Variants in MARCHF1 observed in about 807,000 individuals in gnomAD.
MARCHF1 encodes the protein membrane associated ring-CH-type finger 1, also known as E3 ubiquitin-protein ligase MARCHF1.
Under a neutral mutation model 54.2 loss-of-function variants are expected in MARCHF1, and 40 were observed. That is an observed-to-expected ratio of 0.74 (90% CI 0.57 to 0.96). MARCHF1 has a LOEUF of 0.96. Ranked by LOEUF, MARCHF1 falls within the 40% of genes least tolerant of loss-of-function variation. The pLI, the probability that MARCHF1 is intolerant of heterozygous loss-of-function variation, is 0.00. For synonymous variants in MARCHF1, 236 were observed against 236.3 expected, an observed-to-expected ratio of 1.00 and a Z score of 0.01; for missense variants, 586 against 656.5, an observed-to-expected ratio of 0.89 and a Z score of 1.17.
intron 1 of MARCHF1, among the ~76,000 whole-genome samples, chr4:164,257,498 T>TTTAA (rs10636066): frequency 0.61 from 92,064 of 151,136 alleles, 29,061 homozygotes; most frequent in Non-Finnish European, 0.71. Flanking sequence ...TTGTTTTATA[T>TTTAA]TTAGGCTAAA....
In MARCHF1 at chr4:163,635,472, A is replaced by G. The variant is rs1266243684; in HGVS notation, c.163-22079T>C. On this transcript the variant is annotated intron_variant, in intron 5 of 9. Coordinates refer to ENST00000514618, the MANE Select transcript of MARCHF1 (RefSeq NM_001394959.1). ...CAGAGAATACTACAAACACCTCTAC[A>G]CAAATAAACTAGAAAATCTAGAAGA... 5.8e-3 allele frequency among the ~76,000 whole-genome samples: 860 copies of G among 147,532 alleles called. 8 individuals carry two copies. Among genetic ancestry groups the G allele is most frequent in the African/African-American group, 0.02 (782 of 38,914 alleles).
At chr4:164,325,364 G>C (rs1345572598) in intron 1 of MARCHF1, among the ~76,000 whole-genome samples, 2 of 129,578 alleles carry the variant, frequency 1.5e-5, no homozygotes, top group African/African-American at 2.9e-5. Context: ...TATTTGCACA[G>C]ACATTTGTGA....
chr4:163,883,345 G>GTTT (rs1553960682), intron 3 of MARCHF1, among the ~76,000 whole-genome samples: 5 of 57,744 alleles, frequency 8.7e-5, no homozygotes, highest in African/African-American at 2.6e-4. Flanking sequence ...ACCTACGGAT[G>GTTT]TATTTTTTTT....
At chr4:164,324,958 TG>T (rs1268375734) in intron 1 of MARCHF1, among the ~76,000 whole-genome samples, 4 of 151,714 alleles carry the variant, frequency 2.6e-5, no homozygotes, top group African/African-American at 9.6e-5. Flanking sequence ...GAAGTTCATA[TG>T]AAAAAAATAA....
intron 5 of MARCHF1, among the ~76,000 whole-genome samples, chr4:163,659,349 T>C (rs1298489573): frequency 6.6e-6 from 1 of 152,072 alleles, no homozygotes; most frequent in Non-Finnish European, 1.5e-5. Context: ...TGGCTAGCCA[T>C]ATGCAGAAAA....
intron 8 of MARCHF1, among the ~76,000 whole-genome samples, chr4:163,575,233 G>A (rs1274069459): frequency 6.6e-6 from 1 of 151,790 alleles, no homozygotes; most frequent in Admixed American, 6.6e-5. Context: ...GTTTGTTGAG[G>A]GTTTTTATCA....
intron 2 of MARCHF1, among the ~76,000 whole-genome samples, chr4:163,995,137 C>T (rs1341905479): frequency 1.3e-5 from 2 of 152,036 alleles, no homozygotes; most frequent in Non-Finnish European, 2.9e-5. Flanking sequence ...CAAGTCCAGA[C>T]TTCTGGAACT....
At chr4:164,164,796 C>T (rs771876333) in intron 1 of MARCHF1, among the ~76,000 whole-genome samples, 3 of 151,852 alleles carry the variant, frequency 2.0e-5, no homozygotes, top group South Asian at 2.1e-4. Context: ...CATACATATC[C>T]GGAAGTTATT....
chr4:163,898,178 A>G (rs1579376522), intron 3 of MARCHF1, among the ~76,000 whole-genome samples: 2 of 152,244 alleles, frequency 1.3e-5, no homozygotes, highest in East Asian at 3.9e-4. Context: ...AACCAAAACA[A>G]AAACAGACAA....
intron 1 of MARCHF1, among the ~76,000 whole-genome samples, chr4:164,366,774 T>C (rs1730891424): frequency 6.6e-6 from 1 of 151,928 alleles, no homozygotes; most frequent in Non-Finnish European, 1.5e-5. Flanking sequence ...TCTTCTTATA[T>C]TATAAAAGTT....
intron 8 of MARCHF1, among the ~76,000 whole-genome samples, chr4:163,557,362 T>C (rs1205131524): frequency 6.6e-6 from 1 of 152,200 alleles, no homozygotes; most frequent in African/African-American, 2.4e-5. Flanking sequence ...CCAAATACTG[T>C]TTTCCTCTAA....
chr4:163,656,734 T>G (rs1202738603), intron 5 of MARCHF1, among the ~76,000 whole-genome samples: 2 of 152,116 alleles, frequency 1.3e-5, no homozygotes, highest in Non-Finnish European at 2.9e-5. Flanking sequence ...ATCCCCAGGA[T>G]GCAAGGCTGG....
chr4:164,147,229 T>C (rs940744926), intron 1 of MARCHF1, among the ~76,000 whole-genome samples: 20 of 149,276 alleles, frequency 1.3e-4, no homozygotes, highest in Non-Finnish European at 2.7e-4. Flanking sequence ...TTGGTGGGAC[T>C]GTAAACTAGT....
At chr4:163,693,869 G>A (rs111329974) in intron 5 of MARCHF1, among the ~76,000 whole-genome samples, 3 of 152,102 alleles carry the variant, frequency 2.0e-5, no homozygotes, top group Non-Finnish European at 1.5e-5. Context: ...TGAAATTTGC[G>A]GAAATCCACT....
chr4:164,323,127 T>C (rs996298667), intron 1 of MARCHF1, among the ~76,000 whole-genome samples: 1 of 151,854 alleles, frequency 6.6e-6, no homozygotes, highest in Non-Finnish European at 1.5e-5. Context: ...ATCATATACT[T>C]TCCCTCTAAG....
At chr4:163,910,772 C>G (rs1159006928) in intron 3 of MARCHF1, among the ~76,000 whole-genome samples, 1 of 152,198 alleles carries the variant, frequency 6.6e-6, no homozygotes, top group Non-Finnish European at 1.5e-5. Flanking sequence ...GTTGGGATTA[C>G]GGGCGTGAGC....
chr4:164,133,052 T>C (rs1365055810), intron 1 of MARCHF1, among the ~76,000 whole-genome samples: 1 of 152,196 alleles, frequency 6.6e-6, no homozygotes, highest in Non-Finnish European at 1.5e-5. Context: ...ATTTGTACTA[T>C]AGTTGCCCCA....
chr4:164,168,740 G>C (rs1028733150), intron 1 of MARCHF1, among the ~76,000 whole-genome samples: 1 of 151,782 alleles, frequency 6.6e-6, no homozygotes, highest in Admixed American at 6.6e-5. Flanking sequence ...GAGGGTTAGG[G>C]GTGCCAACCT....
At chr4:164,060,306 T>TATAATATACGAACC (rs1201424985) in intron 2 of MARCHF1, among the ~76,000 whole-genome samples, 2 of 152,086 alleles carry the variant, frequency 1.3e-5, no homozygotes, top group African/African-American at 2.4e-5. Context: ...CATGTGTAAT[T>TATAATATACGAACC]ATAATATACG....
Sources: gnomAD v4.1 joint callset for allele counts (sites outside exome capture counted in the v4.1 genomes callset) on GRCh38, gnomAD v4.1.1 for gene constraint, MANE v1.5 for transcripts, NCBI Gene and HGNC (gene_info 2026-07-23, HGNC 2026-07-21) for gene names.